Variants in BRCA1 observed in about 807,000 individuals in gnomAD.
BRCA1 encodes BRCA1 DNA repair associated.
In BRCA1, 140 loss-of-function variants were observed where a neutral mutation model predicts 173.7. The observed-to-expected ratio is 0.81, with a 90% CI of 0.70 to 0.93. The LOEUF (loss-of-function observed/expected upper bound fraction) is 0.93, where lower values mean the gene tolerates loss of function less well. Among genes scored for constraint, BRCA1 ranks in the 40% least tolerant of loss-of-function variants. The pLI, the probability that BRCA1 is intolerant of heterozygous loss-of-function variation, is 0.00. For missense variants in BRCA1, 1,983 were observed against 2,172.5 expected (o/e 0.91, Z 1.73); for synonymous variants, 662 against 756.0 (o/e 0.88, Z 2.04).
At chr17:43,168,207 G>A in intron 1 of BRCA1, 3 of 420,650 alleles carry the variant, frequency 7.1e-6, no homozygotes, top group Non-Finnish European at 1.5e-5. Context: ...ATAGCATTAA[G>A]GACATTTTGT....
chr17:43,124,856 T>C (rs1420583297), intron 1 of BRCA1: 2 of 300,930 alleles, frequency 6.6e-6, no homozygotes, highest in Non-Finnish European at 1.3e-5. Flanking sequence ...TCCCGGGTTC[T>C]AGCGATTCTC....
upstream of BRCA1, chr17:43,125,446 G>C (rs2055840554): frequency 2.8e-6 from 1 of 361,800 alleles, no homozygotes; most frequent in Non-Finnish European, 5.5e-6. Flanking sequence ...AGGGGCTACC[G>C]CTAAGCAGCA....
chr17:43,110,412 C>A, intron 3 of BRCA1: 2 of 247,386 alleles, frequency 8.1e-6, no homozygotes, highest in Non-Finnish European at 1.7e-5. Flanking sequence ...ATGGCGAAAC[C>A]CCGTCTCTAC....
In BRCA1 at chr17:43,099,980, T is replaced by C. The variant is rs370061993; in HGVS notation, c.442-100A>G. ...CACCATGGACAAAATAAATTGACCA[T>C]CATCAGTCAGCTAACATGTATGATG... On this transcript the variant is annotated intron_variant, in intron 6 of 22. Coordinates refer to ENST00000357654, the MANE Select transcript of BRCA1 (RefSeq NM_007294.4). The C allele has an allele frequency of 9.6e-6, 9 of 935,332 alleles. No individual in the cohort carries two copies. The East Asian group carries it at 2.2e-4, about 23-fold the overall frequency. 57.9% of individuals were successfully genotyped at this position (935,332 alleles called of 1,614,324 possible).
chr17:43,110,464 C>T lies in BRCA1; in HGVS notation c.135-3931G>A, dbSNP rs558127058. ...AGCTGGATATGGTGGTGTGCACTTACAGTCCCAGCTACTTGGGAGACTGAG... is the reference window on the plus strand; with the variant it reads ...AGCTGGATATGGTGGTGTGCACTTATAGTCCCAGCTACTTGGGAGACTGAG... On this transcript the variant is annotated intron_variant, in intron 3 of 22. Transcript: ENST00000357654. The T allele has an allele frequency of 1.1e-5, 4 of 353,670 alleles. No individual in the cohort carries two copies. The East Asian group carries it at 3.1e-4, about 28-fold the overall frequency. 21.9% of individuals were successfully genotyped at this position (353,670 alleles called of 1,614,324 possible).
rs537688746 is a variant in BRCA1 at position 43,158,650 on chromosome 17, T to C, written c.-20+11476A>G. Among the ~76,000 whole-genome samples, 55 of 152,370 alleles carry C rather than the reference T, an allele frequency of 3.6e-4. No individual in the cohort carries two copies. The South Asian group carries it at 3.7e-3, about 10-fold the overall frequency. ...TTTAAAAAATTAATTGAAGAACTAA[T>C]GTAGTTTATTATTTAATTTATTCAA... On this transcript the variant is annotated intron_variant, in intron 1 of 7. Coordinates refer to the BRCA1 transcript ENST00000634433.
Position 43,045,374 on chromosome 17 carries a change from G to T in BRCA1, c.*304C>A, listed in dbSNP as rs2050837319. ...CAACAGCCTGAATAGAAAGAATAGG[G>T]CTGATAAATAATGAATCAGCATCTT... is the stretch of plus-strand genomic sequence containing the variant. On this transcript the variant is annotated 3_prime_UTR_variant, in exon 23 of 23. Coordinates refer to ENST00000357654, the MANE Select transcript of BRCA1 (RefSeq NM_007294.4). 1 of 610,268 alleles carries T rather than the reference G, an allele frequency of 1.6e-6. No individual in the cohort carries two copies. 37.8% of individuals were successfully genotyped at this position (610,268 alleles called of 1,614,324 possible). A position where few individuals can be genotyped will look rare whatever the true frequency, so the allele number is the denominator to read the frequency against.
intron 1 of BRCA1, among the ~76,000 whole-genome samples, chr17:43,155,046 A>G (rs1440357957): frequency 1.3e-5 from 2 of 152,230 alleles, no homozygotes; most frequent in Non-Finnish European, 2.9e-5. Flanking sequence ...GACATCAGAT[A>G]GGTCAAGGTG....
At chr17:43,104,068 A>AG in intron 6 of BRCA1, 54 bp downstream of exon 6, 2 of 810,224 alleles carry the variant, frequency 2.5e-6, no homozygotes, top group Admixed American at 2.8e-5. Context: ...AAAAAAAAAA[A>AG]AGAAAAAAAA....
upstream of BRCA1, among the ~76,000 whole-genome samples, chr17:43,129,833 GT>G (rs2055951049): frequency 1.3e-5 from 2 of 152,178 alleles, no homozygotes; most frequent in South Asian, 4.1e-4. Flanking sequence ...GGCAGACTGA[GT>G]CAGTCACTTC....
At chr17:43,148,438 T>A (rs1164510499) in intron 1 of BRCA1, 1 of 152,118 alleles carries the variant, frequency 6.6e-6, no homozygotes, top group Non-Finnish European at 1.5e-5. Flanking sequence ...TTTATAGGAT[T>A]TGGGTAGGTA....
chr17:43,107,506 G>A (rs760134035), intron 3 of BRCA1, among the ~76,000 whole-genome samples: 3 of 150,026 alleles, frequency 2.0e-5, no homozygotes, highest in Non-Finnish European at 4.4e-5. Context: ...TCAGCCTCCC[G>A]AGTAGCTGGG....
At chr17:43,058,915 T>C (rs749204113) in intron 18 of BRCA1, among the ~76,000 whole-genome samples, 1 of 152,196 alleles carries the variant, frequency 6.6e-6, no homozygotes, top group East Asian at 1.9e-4. Context: ...CAATTCTGAC[T>C]GAAACTCAGA....
chr17:43,126,287 G>T (rs2055871372), upstream of BRCA1, among the ~76,000 whole-genome samples: 1 of 152,232 alleles, frequency 6.6e-6, no homozygotes, highest in Non-Finnish European at 1.5e-5. Flanking sequence ...TGGGGTGGTC[G>T]TTTTGAGGGA....
rs575854493 is a variant in BRCA1, at chr17:43,156,191, T to C, written c.-20+13935A>G. On this transcript the variant is annotated intron_variant, in intron 1 of 7. Coordinates refer to the BRCA1 transcript ENST00000634433. ...GGCGGAAGTTGCAGTCAGATGAGATTGTGCCACTGTACTCCAGCCTGGGCG... is the reference window on the plus strand; with the variant it reads ...GGCGGAAGTTGCAGTCAGATGAGATCGTGCCACTGTACTCCAGCCTGGGCG... 8.6e-5 allele frequency among the ~76,000 whole-genome samples: 13 copies of C among 151,922 alleles called. No homozygotes were observed. The South Asian group carries it at 1.9e-3, about 22-fold the overall frequency.
chr17:43,158,370 T>G (rs1883795561), intron 1 of BRCA1, among the ~76,000 whole-genome samples: 1 of 152,224 alleles, frequency 6.6e-6, no homozygotes, highest in Non-Finnish European at 1.5e-5. Context: ...TAAATCTTGT[T>G]TTCCTCTTGT....
chr17:43,104,999 T>A (rs2154552892), intron 4 of BRCA1, 43 bp from the exon 5 acceptor site: 8 of 1,505,734 alleles, frequency 5.3e-6, no homozygotes, highest in Non-Finnish European at 7.4e-6. Flanking sequence ...CAAGTGATTA[T>A]CAACCTTTTA....
chr17:43,128,023 CAA>C (rs61243891), upstream of BRCA1, among the ~76,000 whole-genome samples: 86 of 24,976 alleles, frequency 3.4e-3, 1 homozygote, highest in Non-Finnish European at 6.4e-3. Context: ...GACTCCATCT[CAA>C]AAAAAAAAAA....
rs587782190 is a variant in BRCA1, at chr17:43,091,731, A to G, written c.3800T>C (p.Leu1267Ser). ...EENLLSLKNS[L>S]NDCSNQVILA... ...TATTACCTGGTTACTGCAGTCATTT[A>G]AGCTATTCTTCAATGATAATAAATT... Residue 1267 changes from leucine (L) to serine (S), a missense_variant, in exon 10 of 23, where the codon TTA (leucine) becomes TCA (serine). Transcript: ENST00000357654. The G allele has an allele frequency of 5.6e-6, 9 of 1,614,102 alleles. No homozygotes were observed. Among genetic ancestry groups the G allele is most frequent in the Non-Finnish European group, 7.6e-6 (9 of 1,180,038 alleles).
Sources: gnomAD v4.1 joint callset for allele counts (sites outside exome capture counted in the v4.1 genomes callset) on GRCh38, gnomAD v4.1.1 for gene constraint, MANE v1.5 for transcripts, NCBI Gene and HGNC (gene_info 2026-07-23, HGNC 2026-07-21) for gene names.